The following KCNMA1 variants were observed in gnomAD, a reference collection of about 807,000 sequenced individuals.
KCNMA1 encodes potassium calcium-activated channel subfamily M alpha 1.
Under a neutral mutation model 140.0 loss-of-function variants are expected in KCNMA1, and 29 were observed. The observed-to-expected ratio is 0.21, with a 90% CI of 0.15 to 0.28. KCNMA1 has a LOEUF of 0.28. Ranked by LOEUF, KCNMA1 falls within the 10% of genes least tolerant of loss-of-function variation. The pLI, the probability that KCNMA1 is intolerant of heterozygous loss-of-function variation, is 1.00. For missense variants in KCNMA1, 880 were observed against 1,602.2 expected, an observed-to-expected ratio of 0.55 and a Z score of 7.70; for synonymous variants, 612 against 611.9, an observed-to-expected ratio of 1.00 and a Z score of 0.00.
At chr10:77,371,216 G>T (rs76150532) in intron 2 of KCNMA1, among the ~76,000 whole-genome samples, 1 of 152,010 alleles carries the variant, frequency 6.6e-6, no homozygotes, top group Non-Finnish European at 1.5e-5. Flanking sequence ...TGTGGTTCTC[G>T]GGCAAGGTGA....
intron 3 of KCNMA1, among the ~76,000 whole-genome samples, chr10:77,214,381 G>T (rs1270306572): frequency 6.6e-6 from 1 of 152,026 alleles, no homozygotes; most frequent in Non-Finnish European, 1.5e-5. Context: ...CCTACCAGCA[G>T]CTCTCCAACA....
chr10:77,491,870 C>T (rs2040056577), intron 1 of KCNMA1, among the ~76,000 whole-genome samples: 1 of 152,214 alleles, frequency 6.6e-6, no homozygotes, highest in South Asian at 2.1e-4. Context: ...AATGCCCCTT[C>T]TGTGACAGGC....
chr10:77,342,820 T>C (rs1486607127), intron 2 of KCNMA1, among the ~76,000 whole-genome samples: 1 of 152,166 alleles, frequency 6.6e-6, no homozygotes, highest in Non-Finnish European at 1.5e-5. Flanking sequence ...AAGTTCTCCA[T>C]GCCTGGAGGA....
intron 3 of KCNMA1, among the ~76,000 whole-genome samples, chr10:77,202,970 A>G (rs1565188228): frequency 2.0e-5 from 3 of 152,236 alleles, no homozygotes. Flanking sequence ...ATCTCCTGGA[A>G]TTGAAGCCTC....
chr10:77,356,645 G>A (rs576757321), intron 2 of KCNMA1, among the ~76,000 whole-genome samples: 28 of 152,312 alleles, frequency 1.8e-4, no homozygotes, highest in African/African-American at 6.0e-4. Context: ...GGTCACCCCA[G>A]GTCTGGTCCC....
At chr10:77,522,432 T>C (rs1018288134) in intron 1 of KCNMA1, among the ~76,000 whole-genome samples, 1 of 152,184 alleles carries the variant, frequency 6.6e-6, no homozygotes, top group Non-Finnish European at 1.5e-5. Context: ...ACTCTCCACC[T>C]GCCCCAAAAT....
At chr10:77,603,466 A>G (rs2083364265) in intron 1 of KCNMA1, among the ~76,000 whole-genome samples, 1 of 152,226 alleles carries the variant, frequency 6.6e-6, no homozygotes. Flanking sequence ...ACAGGGAGAC[A>G]GGTTCTGTGT....
chr10:77,491,749 A>ACC (rs2039990523), intron 1 of KCNMA1, among the ~76,000 whole-genome samples: 1 of 132,276 alleles, frequency 7.6e-6, no homozygotes, highest in African/African-American at 2.8e-5. Context: ...ACACACACAC[A>ACC]CACACCCTAC....
At chr10:77,419,897 A>G (rs1206646360) in intron 1 of KCNMA1, among the ~76,000 whole-genome samples, 1 of 152,188 alleles carries the variant, frequency 6.6e-6, no homozygotes, top group East Asian at 1.9e-4. Context: ...CTGAAGAAGA[A>G]AGTGAAGAGG....
intron 14 of KCNMA1, among the ~76,000 whole-genome samples, chr10:77,048,849 C>T (rs571795896): frequency 6.6e-6 from 1 of 152,126 alleles, no homozygotes; most frequent in Non-Finnish European, 1.5e-5. Context: ...CAAGCTCCCC[C>T]TCGCGGGTTC....
At chr10:77,567,327 G>A (rs557396275) in intron 1 of KCNMA1, among the ~76,000 whole-genome samples, 66 of 152,204 alleles carry the variant, frequency 4.3e-4, no homozygotes, top group Non-Finnish European at 9.0e-4. Flanking sequence ...TCACCACCCC[G>A]GTGGAGAGGC....
chr10:77,409,290 T>C (rs1265471715), intron 1 of KCNMA1, among the ~76,000 whole-genome samples: 1 of 152,116 alleles, frequency 6.6e-6, no homozygotes. Context: ...GAAGGGACCT[T>C]AGCAATTCCT....
At chr10:77,106,648 G>A (rs2097203860) in intron 9 of KCNMA1, among the ~76,000 whole-genome samples, 1 of 152,196 alleles carries the variant, frequency 6.6e-6, no homozygotes, top group Admixed American at 6.5e-5. Flanking sequence ...TGCTGGCGGA[G>A]ACGTCAGAAG....
chr10:77,526,790 G>C (rs1367392026), intron 1 of KCNMA1, among the ~76,000 whole-genome samples: 1 of 152,028 alleles, frequency 6.6e-6, no homozygotes, highest in Non-Finnish European at 1.5e-5. Flanking sequence ...ATAGATTTCA[G>C]CAAAATAACA....
intron 1 of KCNMA1, among the ~76,000 whole-genome samples, chr10:77,586,002 C>A (rs1002586690): frequency 3.3e-5 from 5 of 152,198 alleles, no homozygotes; most frequent in Non-Finnish European, 7.3e-5. Flanking sequence ...AAATAGAAAC[C>A]AATCTGACCA....
chr10:77,623,825 TAC>T (rs1262149788), intron 1 of KCNMA1, among the ~76,000 whole-genome samples: 1 of 152,214 alleles, frequency 6.6e-6, no homozygotes, highest in Non-Finnish European at 1.5e-5. Context: ...CAGCAAGTCC[TAC>T]ACAATTACCA....
intron 1 of KCNMA1, among the ~76,000 whole-genome samples, chr10:77,575,805 C>T (rs572399246): frequency 1.8e-4 from 27 of 152,348 alleles, no homozygotes; most frequent in African/African-American, 5.8e-4. Context: ...TCTTGGTTAT[C>T]GATCTCACTG....
intron 3 of KCNMA1, among the ~76,000 whole-genome samples, chr10:77,208,850 C>T (rs1478203177): frequency 1.3e-5 from 2 of 152,162 alleles, no homozygotes; most frequent in African/African-American, 2.4e-5. Context: ...TAAGTACATG[C>T]ACCAACTATT....
intron 3 of KCNMA1, among the ~76,000 whole-genome samples, chr10:77,192,236 A>G (rs1312963780): frequency 6.6e-6 from 1 of 152,176 alleles, no homozygotes; most frequent in Non-Finnish European, 1.5e-5. Flanking sequence ...TTCTTTATAA[A>G]TTTCTCAATA....
Sources: allele counts gnomAD v4.1 joint callset (sites outside exome capture counted in the v4.1 genomes callset), GRCh38; gene constraint gnomAD v4.1.1; transcripts MANE v1.5; gene names NCBI Gene and HGNC (gene_info 2026-07-23, HGNC 2026-07-21).